Variants in MTMR14 observed in about 807,000 individuals in gnomAD.
MTMR14 encodes the protein phosphatidylinositol-3,5-bisphosphate 3-phosphatase MTMR14.
In MTMR14, 48 loss-of-function variants were observed where a neutral mutation model predicts 86.3. The ratio of observed to expected loss-of-function variants is 0.56; its 90% CI spans 0.44 to 0.71. MTMR14 has a LOEUF of 0.71. Ranked by LOEUF, MTMR14 falls within the 30% of genes least tolerant of loss-of-function variation. MTMR14 has a pLI of 0.00. For missense variants in MTMR14, 780 were observed against 834.6 expected (o/e 0.93, Z 0.81); for synonymous variants, 366 against 326.1 (o/e 1.12, Z -1.32).
chr3:9,675,075 C>T (rs566610805), intron 7 of MTMR14, among the ~76,000 whole-genome samples: 33 of 152,354 alleles, frequency 2.2e-4, no homozygotes, highest in African/African-American at 7.2e-4. Flanking sequence ...TGTGCCATTG[C>T]ACTCCAGTCT....
In MTMR14 at chr3:9,653,749, TTC is replaced by T; in HGVS notation, c.290_291del (p.Ser97Ter). 6.2e-7 allele frequency: 1 copy of T among 1,613,970 alleles called. No homozygotes were observed. Among genetic ancestry groups the T allele is most frequent in the Middle Eastern group, 1.6e-4 (1 of 6,062 alleles). On this transcript the variant is annotated frameshift_variant, in exon 2 of 19. Transcript: ENST00000296003. LOFTEE classifies it high-confidence loss of function. ...RHIVFLEYES[S>X]EKEKDTFEST... ...ACATCGTGTTCCTGGAGTATGAGAGTTCTGAGAAGGAGAAAGACACGTGAGCA... is the reference window on the plus strand; with the variant it reads ...ACATCGTGTTCCTGGAGTATGAGAGTTGAGAAGGAGAAAGACACGTGAGCA...
At chr3:9,670,968 C>A in intron 5 of MTMR14, 80 bp from the exon 6 acceptor site, 1 of 1,579,798 alleles carries the variant, frequency 6.3e-7, no homozygotes, top group Non-Finnish European at 8.7e-7. Flanking sequence ...GACATCCATA[C>A]TTCCCTGAAT....
chr3:9,657,866 G>C (rs2047703781), intron 2 of MTMR14, among the ~76,000 whole-genome samples: 1 of 152,144 alleles, frequency 6.6e-6, no homozygotes, highest in Non-Finnish European at 1.5e-5. Context: ...CTCTTTTATA[G>C]ATGAAGTTGA....
At position 9,649,537 on chromosome 3, in the gene MTMR14, T is replaced by C. The variant is rs1342041667; in HGVS notation, c.-47T>C. On this transcript the variant is annotated 5_prime_UTR_variant, in exon 1 of 19. Transcript: ENST00000296003. ...AGTGTCGGAGTTGGGTGCAGGCAGGTGCCATGGGCCCGCTTGAGGCACACT... is the reference window on the plus strand; with the variant it reads ...AGTGTCGGAGTTGGGTGCAGGCAGGCGCCATGGGCCCGCTTGAGGCACACT... The C allele has an allele frequency of 2.0e-6, 3 of 1,511,284 alleles. No homozygotes were observed. The South Asian group carries it at 3.8e-5, about 19-fold the overall frequency. 93.6% of individuals were successfully genotyped at this position (1,511,284 alleles called of 1,614,324 possible). A position where few individuals can be genotyped will look rare whatever the true frequency, so the allele number is the denominator to read the frequency against.
At chr3:9,663,239 T>C (rs1236809780) in intron 3 of MTMR14, among the ~76,000 whole-genome samples, 3 of 151,912 alleles carry the variant, frequency 2.0e-5, no homozygotes, top group East Asian at 3.9e-4. Flanking sequence ...GGTATCTGAG[T>C]GTCTCAGTGG....
At chr3:9,691,080 G>T (rs752814051) in intron 17 of MTMR14, among the ~76,000 whole-genome samples, 2 of 152,184 alleles carry the variant, frequency 1.3e-5, no homozygotes, top group Non-Finnish European at 2.9e-5. Context: ...GCAAAAACAG[G>T]CAATGAAGGA....
intron 3 of MTMR14, among the ~76,000 whole-genome samples, chr3:9,668,411 G>A (rs1237454916): frequency 6.6e-6 from 1 of 152,206 alleles, no homozygotes; most frequent in Non-Finnish European, 1.5e-5. Context: ...AATTCAGTGA[G>A]AAGATGATGG....
chr3:9,671,410 A>G (rs143603512), intron 6 of MTMR14, among the ~76,000 whole-genome samples: 3 of 152,332 alleles, frequency 2.0e-5, no homozygotes, highest in Admixed American at 1.3e-4. Flanking sequence ...TGAGGCAGCC[A>G]TCAGTCTCTA....
chr3:9,674,980 G>C (rs763554529), intron 7 of MTMR14, among the ~76,000 whole-genome samples: 1 of 152,198 alleles, frequency 6.6e-6, no homozygotes, highest in African/African-American at 2.4e-5. Context: ...GCGCGGTGGC[G>C]CATGCCTGTA....
At chr3:9,680,599 A>G (rs2075729718) in intron 9 of MTMR14, among the ~76,000 whole-genome samples, 1 of 152,136 alleles carries the variant, frequency 6.6e-6, no homozygotes, top group Non-Finnish European at 1.5e-5. Flanking sequence ...TAATCCCAGC[A>G]CTTTAGGAGG....
intron 1 of MTMR14, 126 bp from the exon 2 acceptor site, chr3:9,653,495 C>A: frequency 8.1e-7 from 1 of 1,231,740 alleles, no homozygotes; most frequent in Non-Finnish European, 1.2e-6. Context: ...TCACATCTTC[C>A]CAGCACAGAA....
chr3:9,675,391 C>T (rs1308864584), intron 7 of MTMR14: 10 of 264,640 alleles, frequency 3.8e-5, no homozygotes, highest in Admixed American at 2.7e-4. Context: ...AACCAAGTCA[C>T]GAGCTGCACT....
At chr3:9,650,819 G>A (rs981057597) in intron 1 of MTMR14, among the ~76,000 whole-genome samples, 10 of 149,132 alleles carry the variant, frequency 6.7e-5, no homozygotes, top group African/African-American at 2.5e-4. Flanking sequence ...AAGGAGTCTC[G>A]CTTTGTCGCC....
At chr3:9,672,831 C>T in intron 7 of MTMR14, 73 bp downstream of exon 7, 1 of 1,372,320 alleles carries the variant, frequency 7.3e-7, no homozygotes, top group Non-Finnish European at 1.0e-6. Flanking sequence ...GCCCTCTCTA[C>T]TTAGTTACAC....
intron 4 of MTMR14, among the ~76,000 whole-genome samples, chr3:9,669,030 C>T (rs755472678): frequency 1.3e-5 from 2 of 151,816 alleles, no homozygotes; most frequent in African/African-American, 4.8e-5. Context: ...GTCCCAGCTA[C>T]TCAGGAGGCT....
At chr3:9,683,483 ACAGGGTATTTT>A in intron 10 of MTMR14, 1 of 522,222 alleles carries the variant, frequency 1.9e-6, no homozygotes, top group East Asian at 3.5e-5. Context: ...TATGCCGTGC[ACAGGGTATTTT>A]CACACTGTCT....
intron 9 of MTMR14, among the ~76,000 whole-genome samples, chr3:9,680,847 A>G (rs1388987100): frequency 2.0e-5 from 3 of 152,080 alleles, no homozygotes; most frequent in Non-Finnish European, 4.4e-5. Flanking sequence ...AAAAAAACAA[A>G]CAAACAAACA....
intron 12 of MTMR14, 64 bp from the exon 13 acceptor site, chr3:9,685,147 C>T (rs1407045637): frequency 2.6e-5 from 41 of 1,606,780 alleles, no homozygotes; most frequent in Non-Finnish European, 3.5e-5. Context: ...GTCTGGTGAC[C>T]CTGTCCTCTT....
At chr3:9,651,352 C>T (rs1182262501) in intron 1 of MTMR14, among the ~76,000 whole-genome samples, 1 of 152,144 alleles carries the variant, frequency 6.6e-6, no homozygotes, top group African/African-American at 2.4e-5. Context: ...ATCCTCCCAC[C>T]TCAGCCCCCC....
Sources: gnomAD v4.1 joint callset for allele counts (sites outside exome capture counted in the v4.1 genomes callset) on GRCh38, gnomAD v4.1.1 for gene constraint, MANE v1.5 for transcripts, NCBI Gene and HGNC (gene_info 2026-07-23, HGNC 2026-07-21) for gene names.